WDR7: variants seen among roughly 807,000 people sequenced by gnomAD.
The protein encoded by WDR7 is WD repeat-containing protein 7.
A neutral mutation model predicts 169.4 loss-of-function variants in WDR7; 46 were observed. The ratio of observed to expected loss-of-function variants is 0.27; its 90% CI spans 0.21 to 0.35. The LOEUF (loss-of-function observed/expected upper bound fraction) is 0.35, where lower values mean the gene tolerates loss of function less well. Among genes scored for constraint, WDR7 ranks in the 10% least tolerant of loss-of-function variants. The pLI, the probability that WDR7 is intolerant of heterozygous loss-of-function variation, is 1.00. For missense variants in WDR7, 1,534 were observed against 1,859.3 expected (o/e 0.83, Z 3.22); for synonymous variants, 612 against 666.8 (o/e 0.92, Z 1.27).
chr18:57,013,698 A>G (rs1480544630), intron 26 of WDR7, among the ~76,000 whole-genome samples: 1 of 152,216 alleles, frequency 6.6e-6, no homozygotes, highest in East Asian at 1.9e-4. Flanking sequence ...AAGTGATAGA[A>G]GAGGCTTTAG....
At chr18:56,965,455 GTT>G (rs113816269) in intron 26 of WDR7, among the ~76,000 whole-genome samples, 1 of 138,456 alleles carries the variant, frequency 7.2e-6, no homozygotes. Flanking sequence ...TTTTTAATCT[GTT>G]TTTTTTTTTA....
intron 6 of WDR7, among the ~76,000 whole-genome samples, 173 bp downstream of exon 6, chr18:56,686,205 A>G (rs1034625909): frequency 3.3e-5 from 5 of 151,952 alleles, no homozygotes; most frequent in Non-Finnish European, 5.9e-5. Flanking sequence ...ATGGGAGTGA[A>G]TTTTTTATTT....
At chr18:56,661,273 G>A (rs962562600) in intron 1 of WDR7, among the ~76,000 whole-genome samples, 1 of 152,136 alleles carries the variant, frequency 6.6e-6, no homozygotes, top group Non-Finnish European at 1.5e-5. Flanking sequence ...CCTTTAAAAA[G>A]TAAGGTCTTG....
intron 20 of WDR7, among the ~76,000 whole-genome samples, chr18:56,856,384 A>G (rs140832534): frequency 6.6e-6 from 1 of 152,186 alleles, no homozygotes; most frequent in East Asian, 1.9e-4. Flanking sequence ...ACTTACAAAA[A>G]TTAGCCAGGC....
At chr18:56,940,833 G>T (rs1415874655) in intron 25 of WDR7, among the ~76,000 whole-genome samples, 2 of 152,114 alleles carry the variant, frequency 1.3e-5, no homozygotes, top group Non-Finnish European at 2.9e-5. Flanking sequence ...AATGTTTAAA[G>T]GATCTGTTTT....
intron 5 of WDR7, among the ~76,000 whole-genome samples, chr18:56,683,137 G>A (rs544392571): frequency 1.3e-5 from 2 of 152,180 alleles, no homozygotes; most frequent in East Asian, 3.9e-4. Flanking sequence ...CTTAACCTTT[G>A]GGGGTGTAGT....
At position 57,029,277 on chromosome 18, in the gene WDR7, G is replaced by A. The variant is rs759835606; in HGVS notation, c.*2070G>A. ...GGAGCAATAGCCCTGGGCCACAAGC[G>A]TGGGTAGGCCTTTCACGTATTCCGT... On this transcript the variant is annotated 3_prime_UTR_variant, in exon 28 of 28. Coordinates refer to ENST00000254442, the MANE Select transcript of WDR7 (RefSeq NM_015285.3). 4.6e-5 allele frequency: 7 copies of A among 152,186 alleles called. No individual in the cohort carries two copies. Among genetic ancestry groups the A allele is most frequent in the Non-Finnish European group, 5.9e-5 (4 of 68,048 alleles). The allele number at this position is 152,186 out of a possible 1,614,324, so 9.4% of individuals were successfully genotyped here. A position where few individuals can be genotyped will look rare whatever the true frequency, so the allele number is the denominator to read the frequency against.
chr18:56,807,662 A>C (rs1041672192), intron 19 of WDR7, among the ~76,000 whole-genome samples: 1 of 145,120 alleles, frequency 6.9e-6, no homozygotes, highest in Admixed American at 7.0e-5. Context: ...ATTTTATATG[A>C]GAGCAGTTTT....
chr18:56,694,109 A>C (rs973922465), intron 9 of WDR7, among the ~76,000 whole-genome samples: 4 of 151,860 alleles, frequency 2.6e-5, no homozygotes, highest in Non-Finnish European at 5.9e-5. Flanking sequence ...CCTGGCCTCA[A>C]GCGATCTTCC....
intron 20 of WDR7, among the ~76,000 whole-genome samples, chr18:56,874,480 T>C (rs562137597): frequency 3.3e-5 from 5 of 152,038 alleles, no homozygotes; most frequent in Admixed American, 3.3e-4. Flanking sequence ...CTAGAAGATA[T>C]TTTAATTATT....
intron 22 of WDR7, among the ~76,000 whole-genome samples, chr18:56,925,233 T>C (rs1160745478): frequency 1.3e-5 from 2 of 152,246 alleles, no homozygotes; most frequent in African/African-American, 4.8e-5. Flanking sequence ...GTAGCTGCTA[T>C]AAACATTTGT....
chr18:56,851,841 C>T (rs1198788655), intron 20 of WDR7, among the ~76,000 whole-genome samples: 1 of 152,194 alleles, frequency 6.6e-6, no homozygotes, highest in Non-Finnish European at 1.5e-5. Flanking sequence ...CCCCCACCTT[C>T]TTGCTCATTG....
intron 20 of WDR7, among the ~76,000 whole-genome samples, chr18:56,878,402 G>A (rs190359087): frequency 1.2e-4 from 19 of 152,106 alleles, no homozygotes; most frequent in African/African-American, 4.6e-4. Flanking sequence ...AATCCAATGT[G>A]CTCTCTTTTT....
At chr18:56,885,916 A>G (rs1241231130) in intron 21 of WDR7, among the ~76,000 whole-genome samples, 2 of 152,152 alleles carry the variant, frequency 1.3e-5, no homozygotes, top group Non-Finnish European at 2.9e-5. Context: ...TTTTAAAAGA[A>G]TTTTTAAAAA....
At chr18:56,833,587 C>T (rs1342320786) in intron 20 of WDR7, among the ~76,000 whole-genome samples, 1 of 152,098 alleles carries the variant, frequency 6.6e-6, no homozygotes, top group African/African-American at 2.4e-5. Flanking sequence ...GCGTTACAAA[C>T]GTCAGTTAAA....
intron 22 of WDR7, among the ~76,000 whole-genome samples, chr18:56,929,057 G>T (rs989294035): frequency 6.6e-6 from 1 of 152,172 alleles, no homozygotes; most frequent in Admixed American, 6.5e-5. Context: ...GGCTGAGGCA[G>T]GATCACTTGA....
chr18:56,729,248 T>G (rs2026529820), intron 13 of WDR7, among the ~76,000 whole-genome samples: 1 of 152,202 alleles, frequency 6.6e-6, no homozygotes, highest in African/African-American at 2.4e-5. Context: ...AATATCATAT[T>G]ATTTTCAAAA....
At chr18:56,927,128 C>A (rs1221615663) in intron 22 of WDR7, among the ~76,000 whole-genome samples, 1 of 152,176 alleles carries the variant, frequency 6.6e-6, no homozygotes, top group East Asian at 1.9e-4. Flanking sequence ...CTACTTTCTT[C>A]TTATTCTTGT....
intron 13 of WDR7, among the ~76,000 whole-genome samples, chr18:56,722,553 G>C (rs1224354862): frequency 6.6e-6 from 1 of 152,118 alleles, no homozygotes; most frequent in African/African-American, 2.4e-5. Context: ...GAGAATGAAT[G>C]GGTTAAGAAA....
Sources: allele counts gnomAD v4.1 joint callset (sites outside exome capture counted in the v4.1 genomes callset), GRCh38; gene constraint gnomAD v4.1.1; transcripts MANE v1.5; gene names NCBI Gene and HGNC (gene_info 2026-07-23, HGNC 2026-07-21).